The following RNF111 variants were observed in gnomAD, a reference collection of about 807,000 sequenced individuals.
RNF111 encodes the protein ring finger protein 111.
In RNF111, 17 loss-of-function variants were observed where a neutral mutation model predicts 95.1. That is an observed-to-expected ratio of 0.18 (90% confidence interval 0.12 to 0.27). RNF111 has a LOEUF of 0.27. Ranked by LOEUF, RNF111 falls within the 10% of genes least tolerant of loss-of-function variation. The probability of loss-of-function intolerance (pLI) is 1.00; values close to 1 mark genes in which losing one functional copy is unlikely to be tolerated. For synonymous variants in RNF111, 440 were observed against 414.8 expected, an observed-to-expected ratio of 1.06 and a Z score of -0.74; for missense variants, 1,189 against 1,210.4, an observed-to-expected ratio of 0.98 and a Z score of 0.26.
At chr15:59,028,117 C>G (rs182414170) in intron 1 of RNF111, among the ~76,000 whole-genome samples, 34 of 152,288 alleles carry the variant, frequency 2.2e-4, no homozygotes, top group Admixed American at 1.6e-3. Flanking sequence ...CGCGCCTGGC[C>G]AGAAACTCCA....
intron 1 of RNF111, among the ~76,000 whole-genome samples, chr15:59,024,971 A>C (rs1364451580): frequency 6.6e-6 from 1 of 152,264 alleles, no homozygotes; most frequent in African/African-American, 2.4e-5. Context: ...AATGTCTTCA[A>C]GATTCATCCA....
At chr15:59,059,414 G>A (rs765172250) in intron 5 of RNF111, among the ~76,000 whole-genome samples, 3 of 152,160 alleles carry the variant, frequency 2.0e-5, no homozygotes, top group Non-Finnish European at 4.4e-5. Context: ...TGGTAGGAAT[G>A]CAAAATGGTG....
chr15:59,064,668 C>T (rs1306859158), intron 5 of RNF111, among the ~76,000 whole-genome samples: 5 of 151,596 alleles, frequency 3.3e-5, no homozygotes, highest in Admixed American at 6.6e-5. Context: ...AGTTCACAGA[C>T]GCGTGAATTC....
chr15:59,035,940 T>G (rs2141820332), intron 2 of RNF111, among the ~76,000 whole-genome samples: 1 of 152,320 alleles, frequency 6.6e-6, no homozygotes, highest in Non-Finnish European at 1.5e-5. Context: ...AGTTACCCAG[T>G]TCGAAAGTTG....
rs1411832378 is a variant in RNF111 at position 59,068,578 on chromosome 15, C to T, written c.1686+1495C>T. ...CCAAGATCGTGCCACTGCACTCCAGCCTGGGCAACAGAGCAAGACTCCGAA... is the reference window on the plus strand; with the variant it reads ...CCAAGATCGTGCCACTGCACTCCAGTCTGGGCAACAGAGCAAGACTCCGAA... On this transcript the variant is annotated intron_variant, in intron 6 of 13. Transcript: ENST00000348370. 7.2e-5 allele frequency among the ~76,000 whole-genome samples: 11 copies of T among 152,174 alleles called. 1 individual carries two copies. Among genetic ancestry groups the T allele is most frequent in the Admixed American group, 6.5e-4 (10 of 15,276 alleles).
At chr15:59,075,096 T>A (rs2043111356) in intron 6 of RNF111, among the ~76,000 whole-genome samples, 1 of 152,182 alleles carries the variant, frequency 6.6e-6, no homozygotes, top group Non-Finnish European at 1.5e-5. Flanking sequence ...ACTCATCAAA[T>A]ATCACCATAA....
intron 6 of RNF111, among the ~76,000 whole-genome samples, chr15:59,073,862 G>C (rs1074701): frequency 1.3e-5 from 2 of 151,946 alleles, no homozygotes; most frequent in Non-Finnish European, 2.9e-5. Flanking sequence ...TTCTTTAATA[G>C]TAAGACTTGA....
chr15:59,066,348 C>G (rs1456672504), intron 5 of RNF111, among the ~76,000 whole-genome samples: 2 of 152,144 alleles, frequency 1.3e-5, no homozygotes, highest in African/African-American at 2.4e-5. Flanking sequence ...TGGTGGCTCA[C>G]GCCTGTAATC....
intron 6 of RNF111, among the ~76,000 whole-genome samples, chr15:59,068,891 A>G (rs1048109172): frequency 6.6e-6 from 1 of 152,010 alleles, no homozygotes; most frequent in African/African-American, 2.4e-5. Flanking sequence ...CCTGACCAAC[A>G]TGGTGAAACC....
intron 5 of RNF111, among the ~76,000 whole-genome samples, chr15:59,064,385 A>C (rs1233901040): frequency 2.6e-5 from 4 of 151,802 alleles, no homozygotes; most frequent in Non-Finnish European, 5.9e-5. Context: ...AATACAAAAA[A>C]ATTAGCCGGG....
At chr15:59,048,848 G>T (rs776248347) in intron 2 of RNF111, among the ~76,000 whole-genome samples, 3 of 152,088 alleles carry the variant, frequency 2.0e-5, no homozygotes, top group Non-Finnish European at 4.4e-5. Flanking sequence ...AGCACTTTGG[G>T]GGACTGAGGT....
intron 1 of RNF111, among the ~76,000 whole-genome samples, chr15:59,000,412 G>A (rs964151694): frequency 1.3e-5 from 2 of 151,858 alleles, no homozygotes; most frequent in Non-Finnish European, 2.9e-5. Context: ...CCATTTTTAA[G>A]ATTATGAAGG....
intron 6 of RNF111, among the ~76,000 whole-genome samples, chr15:59,070,107 T>C (rs182025894): frequency 1.0e-3 from 149 of 143,526 alleles, no homozygotes; most frequent in Non-Finnish European, 1.4e-3. Flanking sequence ...ACTCCTGGGC[T>C]TAAGTAATCC....
chr15:59,067,180 G>C, intron 6 of RNF111, 97 bp downstream of exon 6: 1 of 1,033,022 alleles, frequency 9.7e-7, no homozygotes, highest in Non-Finnish European at 1.4e-6. Context: ...CTTCATTCCT[G>C]TCTCTCTCCC....
intron 2 of RNF111, among the ~76,000 whole-genome samples, chr15:59,050,635 G>A (rs2041936486): frequency 6.6e-6 from 1 of 152,164 alleles, no homozygotes; most frequent in African/African-American, 2.4e-5. Context: ...AAAGCTGAAG[G>A]AAGGTAGTGT....
intron 2 of RNF111, among the ~76,000 whole-genome samples, chr15:59,047,358 G>C (rs934877499): frequency 6.6e-6 from 1 of 152,048 alleles, no homozygotes; most frequent in African/African-American, 2.4e-5. Context: ...AGCTGGGCAT[G>C]GTGGCAGGTA....
intron 6 of RNF111, among the ~76,000 whole-genome samples, chr15:59,069,964 A>T (rs2042835625): frequency 7.1e-6 from 1 of 140,208 alleles, no homozygotes; most frequent in Admixed American, 7.3e-5. Context: ...TTGATATGAT[A>T]TGGCTTTCAT....
chr15:59,048,463 A>G (rs535348460), intron 2 of RNF111, among the ~76,000 whole-genome samples: 2 of 152,334 alleles, frequency 1.3e-5, no homozygotes, highest in South Asian at 2.1e-4. Context: ...GGGGATGATG[A>G]CTGACTGAAA....
intron 2 of RNF111, among the ~76,000 whole-genome samples, chr15:59,039,124 C>T (rs536432068): frequency 6.6e-6 from 1 of 152,206 alleles, no homozygotes; most frequent in Non-Finnish European, 1.5e-5. Flanking sequence ...GCCACCATAC[C>T]TGGCTAATTT....
Sources: gnomAD v4.1 joint callset for allele counts (sites outside exome capture counted in the v4.1 genomes callset) on GRCh38, gnomAD v4.1.1 for gene constraint, MANE v1.5 for transcripts, NCBI Gene and HGNC (gene_info 2026-07-23, HGNC 2026-07-21) for gene names.